KCNH5: variants seen among roughly 807,000 people sequenced by gnomAD.
KCNH5 encodes the protein voltage-gated delayed rectifier potassium channel KCNH5.
A neutral mutation model predicts 96.1 loss-of-function variants in KCNH5; 46 were observed. The observed-to-expected ratio is 0.48, with a 90% confidence interval of 0.38 to 0.61. KCNH5 has a LOEUF of 0.61. KCNH5 is among the 20% of genes least tolerant of loss of function. The pLI, the probability that KCNH5 is intolerant of heterozygous loss-of-function variation, is 0.00. For missense variants in KCNH5, 907 were observed against 1,225.8 expected (o/e 0.74, Z 3.88); for synonymous variants, 439 against 449.8 (o/e 0.98, Z 0.30).
intron 7 of KCNH5, among the ~76,000 whole-genome samples, chr14:62,867,178 C>G (rs1888151348): frequency 6.6e-6 from 1 of 152,140 alleles, no homozygotes; most frequent in Admixed American, 6.5e-5. Context: ...TCATGTGGCC[C>G]CAACCCACAG....
At chr14:62,974,285 A>G (rs1213228775) in intron 6 of KCNH5, among the ~76,000 whole-genome samples, 2 of 152,132 alleles carry the variant, frequency 1.3e-5, no homozygotes, top group African/African-American at 2.4e-5. Context: ...GAATCCTCCT[A>G]TGCTACCAAA....
chr14:62,894,160 G>A (rs1240982312), intron 7 of KCNH5, among the ~76,000 whole-genome samples: 1 of 152,058 alleles, frequency 6.6e-6, no homozygotes, highest in Non-Finnish European at 1.5e-5. Flanking sequence ...TATATGTACT[G>A]GGAAAACAAA....
intron 1 of KCNH5, among the ~76,000 whole-genome samples, chr14:63,043,293 G>A (rs1013722638): frequency 6.6e-6 from 1 of 152,080 alleles, no homozygotes; most frequent in Non-Finnish European, 1.5e-5. Flanking sequence ...CAGAGCAATC[G>A]TAACCCTGCA....
At chr14:62,780,898 G>T (rs1352920736) in intron 9 of KCNH5, among the ~76,000 whole-genome samples, 1 of 152,058 alleles carries the variant, frequency 6.6e-6, no homozygotes, top group East Asian at 1.9e-4. Context: ...ATCCAGGAGG[G>T]AAACATCTTC....
chr14:62,915,078 T>G (rs947930034), intron 7 of KCNH5, among the ~76,000 whole-genome samples: 1 of 152,144 alleles, frequency 6.6e-6, no homozygotes, highest in East Asian at 1.9e-4. Context: ...GAACCAGAGA[T>G]CTCCCTGCTC....
At chr14:62,966,401 C>T (rs1887463768) in intron 6 of KCNH5, among the ~76,000 whole-genome samples, 1 of 152,140 alleles carries the variant, frequency 6.6e-6, no homozygotes, top group South Asian at 2.1e-4. Flanking sequence ...AGCTATGCTC[C>T]CTGTCCCCAG....
intron 2 of KCNH5, among the ~76,000 whole-genome samples, chr14:63,013,421 T>C (rs533548090): frequency 3.9e-4 from 59 of 152,252 alleles, no homozygotes; most frequent in African/African-American, 1.4e-3. Context: ...TATGTCTGTC[T>C]AAAAACTTAT....
At chr14:62,988,568 C>A (rs922242980) in intron 4 of KCNH5, among the ~76,000 whole-genome samples, 1 of 151,978 alleles carries the variant, frequency 6.6e-6, no homozygotes, top group Non-Finnish European at 1.5e-5. Flanking sequence ...AAACTGGCAT[C>A]AATTGATGGA....
chr14:62,792,805 A>T (rs574153543), intron 9 of KCNH5, among the ~76,000 whole-genome samples: 3 of 151,772 alleles, frequency 2.0e-5, no homozygotes, highest in Non-Finnish European at 4.4e-5. Context: ...GTATGTATCC[A>T]AAAGTATTGA....
intron 6 of KCNH5, among the ~76,000 whole-genome samples, chr14:62,962,412 C>T (rs1282061721): frequency 1.3e-5 from 2 of 152,056 alleles, no homozygotes; most frequent in Admixed American, 6.6e-5. Context: ...TAATTAAAAC[C>T]AGAAATTGCA....
chr14:62,785,239 G>C (rs898769012), intron 9 of KCNH5, among the ~76,000 whole-genome samples: 2 of 152,194 alleles, frequency 1.3e-5, no homozygotes, highest in African/African-American at 4.8e-5. Context: ...CCAAAGTAAA[G>C]TTGGTTAATG....
chr14:63,029,740 G>T (rs1048055393), intron 1 of KCNH5, among the ~76,000 whole-genome samples: 1 of 151,682 alleles, frequency 6.6e-6, no homozygotes, highest in Non-Finnish European at 1.5e-5. Context: ...CAATCCAGAG[G>T]TTTCTTTTTG....
chr14:62,818,963 A>AT (rs1178925841), intron 8 of KCNH5, among the ~76,000 whole-genome samples: 1 of 152,016 alleles, frequency 6.6e-6, no homozygotes, highest in African/African-American at 2.4e-5. Context: ...TTATTTATTT[A>AT]TTTTATCTAT....
At chr14:62,724,339 AAG>A (rs1258115705) in intron 10 of KCNH5, among the ~76,000 whole-genome samples, 1 of 152,224 alleles carries the variant, frequency 6.6e-6, no homozygotes, top group East Asian at 1.9e-4. Context: ...TAGTGATTAA[AAG>A]ATGGGGCTGA....
intron 1 of KCNH5, among the ~76,000 whole-genome samples, chr14:63,025,578 C>G (rs964277736): frequency 6.7e-6 from 1 of 149,392 alleles, no homozygotes; most frequent in Non-Finnish European, 1.5e-5. Context: ...AACAAGCTAT[C>G]CAAATAAGCA....
intron 1 of KCNH5, among the ~76,000 whole-genome samples, chr14:63,036,096 C>A (rs1036520593): frequency 6.6e-6 from 1 of 152,206 alleles, no homozygotes; most frequent in Non-Finnish European, 1.5e-5. Flanking sequence ...ATGATGTTTG[C>A]TCTAGTACAG....
At chr14:62,839,178 G>C (rs1026557967) in intron 8 of KCNH5, among the ~76,000 whole-genome samples, 1 of 152,070 alleles carries the variant, frequency 6.6e-6, no homozygotes, top group Non-Finnish European at 1.5e-5. Context: ...AAATCATACA[G>C]ATAAATGTGG....
chr14:62,889,180 G>T (rs991970480), intron 7 of KCNH5, among the ~76,000 whole-genome samples: 1 of 152,160 alleles, frequency 6.6e-6, no homozygotes, highest in African/African-American at 2.4e-5. Context: ...GCTACTCATG[G>T]AAATGCAAAA....
chr14:62,937,155 C>T (rs191552074), intron 7 of KCNH5, among the ~76,000 whole-genome samples: 312 of 152,228 alleles, frequency 2.0e-3, no homozygotes, highest in Non-Finnish European at 3.7e-3. Context: ...GACCATCCAT[C>T]GCTAACTTAA....
Sources: gnomAD v4.1 joint callset for allele counts (sites outside exome capture counted in the v4.1 genomes callset) on GRCh38, gnomAD v4.1.1 for gene constraint, MANE v1.5 for transcripts, NCBI Gene and HGNC (gene_info 2026-07-23, HGNC 2026-07-21) for gene names.